MBNL2: variants seen among roughly 807,000 people sequenced by gnomAD.
MBNL2 encodes muscleblind like splicing regulator 2.
In MBNL2, 17 loss-of-function variants were observed where a neutral mutation model predicts 41.9. That is an observed-to-expected ratio of 0.41 (90% CI 0.28 to 0.61). The LOEUF (loss-of-function observed/expected upper bound fraction) is 0.61. MBNL2 is among the 20% of genes least tolerant of loss of function. The probability of loss-of-function intolerance (pLI) is 0.35; values close to 1 mark genes in which losing one functional copy is unlikely to be tolerated. For synonymous variants in MBNL2, 195 were observed against 182.9 expected, an observed-to-expected ratio of 1.07 and a Z score of -0.53; for missense variants, 336 against 505.6, an observed-to-expected ratio of 0.66 and a Z score of 3.22.
the MBNL2 span, among the ~76,000 whole-genome samples, chr13:97,149,941 C>G: frequency 2.6e-5 from 4 of 152,128 alleles, no homozygotes; most frequent in Non-Finnish European, 4.4e-5. Context: ...CCTAAAACAC[C>G]CCCCTATATC....
chr13:97,304,982 T>C (rs1265286090), intron 2 of MBNL2, among the ~76,000 whole-genome samples: 2 of 152,226 alleles, frequency 1.3e-5, no homozygotes, highest in Non-Finnish European at 2.9e-5. Context: ...TGAGGCTTCA[T>C]TGGAAATCTG....
chr13:97,265,929 G>A lies in MBNL2; in HGVS notation c.-604-9703G>A, dbSNP rs961853247. 4.6e-5 allele frequency among the ~76,000 whole-genome samples: 7 copies of A among 152,014 alleles called. No homozygotes were observed. In the South Asian group the frequency reaches 8.3e-4, roughly 18 times the overall value. On this transcript the variant is annotated intron_variant, in intron 1 of 8. Transcript: ENST00000679496. ...CCTTCAACCAAGCAGAACATTCAAGGCACCATTTTATTTATATTTTCAATA... is the reference window on the plus strand; with the variant it reads ...CCTTCAACCAAGCAGAACATTCAAGACACCATTTTATTTATATTTTCAATA...
intron 8 of MBNL2, among the ~76,000 whole-genome samples, chr13:97,391,103 A>G (rs1400663463): frequency 6.6e-6 from 1 of 152,186 alleles, no homozygotes; most frequent in Non-Finnish European, 1.5e-5. Flanking sequence ...GTGCATTTGA[A>G]TCATCTTTCT....
rs762104885 is a variant in MBNL2, at chr13:97,263,640, C to T, written c.-604-11992C>T. On this transcript the variant is annotated intron_variant, in intron 1 of 8. Transcript: ENST00000679496. The stretch of plus-strand genomic sequence containing the variant: ...GTACCTCTGTTGTTATTTATTGAGA[C>T]GGAGTCTTACTCTGTCACCCAGGCT... 2.6e-5 allele frequency among the ~76,000 whole-genome samples: 4 copies of T among 152,240 alleles called. No individual in the cohort carries two copies. In the East Asian group the frequency reaches 5.8e-4, roughly 22 times the overall value.
intron 7 of MBNL2, among the ~76,000 whole-genome samples, chr13:97,360,017 A>G (rs917026084): frequency 6.6e-6 from 1 of 152,214 alleles, no homozygotes; most frequent in Admixed American, 6.5e-5. Flanking sequence ...TTCTAAAATG[A>G]TAATGGTAAT....
chr13:97,299,922 G>GGT (rs2057450771), intron 2 of MBNL2, among the ~76,000 whole-genome samples: 1 of 152,140 alleles, frequency 6.6e-6, no homozygotes, highest in Non-Finnish European at 1.5e-5. Context: ...GCCTAAACCA[G>GGT]TGAGCAAAAA....
At chr13:97,204,990 G>A in the MBNL2 span, among the ~76,000 whole-genome samples, 1 of 151,822 alleles carries the variant, frequency 6.6e-6, no homozygotes, top group African/African-American at 2.4e-5. Context: ...TGCCCAACAT[G>A]GTGAAATGCC....
chr13:97,316,592 C>T (rs903418191), intron 2 of MBNL2, among the ~76,000 whole-genome samples: 1 of 152,206 alleles, frequency 6.6e-6, no homozygotes, highest in African/African-American at 2.4e-5. Flanking sequence ...ACCAGGCATG[C>T]GTCCTCCCGA....
the MBNL2 span, among the ~76,000 whole-genome samples, chr13:97,190,889 C>T: frequency 6.6e-6 from 1 of 152,170 alleles, no homozygotes. Flanking sequence ...ATTTCATCTC[C>T]TCTTGAAACC....
rs150813310 is a variant in MBNL2 at position 97,316,947 on chromosome 13, G to A, written c.175-17329G>A. Among the ~76,000 whole-genome samples the A allele has an allele frequency of 3.8e-3, 574 of 152,298 alleles. 2 individuals are homozygous for A. The highest frequency in any genetic ancestry group is 0.013 in the African/African-American group (552 of 41,564). ...TCCCTGGAACACTGCCTGGCCCAAG[G>A]TAGACTTGCAACATATGCCTGTGGA... On this transcript the variant is annotated intron_variant, in intron 2 of 8. Transcript: ENST00000679496.
At chr13:97,225,878 G>A (rs1037005652) in intron 1 of MBNL2, among the ~76,000 whole-genome samples, 1 of 152,246 alleles carries the variant, frequency 6.6e-6, no homozygotes, top group East Asian at 1.9e-4. Flanking sequence ...GGATGAGCAT[G>A]GATGTCCACT....
chr13:97,288,748 T>C (rs1350853720), intron 2 of MBNL2, among the ~76,000 whole-genome samples: 1 of 152,160 alleles, frequency 6.6e-6, no homozygotes, highest in Admixed American at 6.5e-5. Context: ...TATATTAGTC[T>C]TTCTCAGCAC....
At chr13:97,349,523 GTTTA>G (rs1009103558) in intron 5 of MBNL2, among the ~76,000 whole-genome samples, 4 of 152,014 alleles carry the variant, frequency 2.6e-5, no homozygotes, top group Admixed American at 6.6e-5. Flanking sequence ...CACAAAATTT[GTTTA>G]TTTATTTGTT....
At chr13:97,147,275 G>C in the MBNL2 span, among the ~76,000 whole-genome samples, 1 of 152,162 alleles carries the variant, frequency 6.6e-6, no homozygotes. Flanking sequence ...TTTTTTCTCT[G>C]TCGATTGGTG....
intron 1 of MBNL2, among the ~76,000 whole-genome samples, chr13:97,222,825 T>C (rs944729114): frequency 3.3e-5 from 5 of 152,236 alleles, no homozygotes; most frequent in African/African-American, 1.2e-4. Flanking sequence ...AGCAATCTTA[T>C]TTTCTTGCTG....
chr13:97,183,935 T>C, the MBNL2 span, among the ~76,000 whole-genome samples: 1 of 152,298 alleles, frequency 6.6e-6, no homozygotes, highest in Non-Finnish European at 1.5e-5. Context: ...CCCCAGTCTC[T>C]TTTTTTCACA....
At chr13:97,376,302 C>T (rs1406174921) in intron 8 of MBNL2, among the ~76,000 whole-genome samples, 3 of 152,180 alleles carry the variant, frequency 2.0e-5, no homozygotes, top group East Asian at 1.9e-4. Flanking sequence ...TGCCTTTCTC[C>T]TCTCTGTCAC....
At chr13:97,207,944 C>G in the MBNL2 span, among the ~76,000 whole-genome samples, 2 of 152,170 alleles carry the variant, frequency 1.3e-5, no homozygotes, top group Non-Finnish European at 2.9e-5. Context: ...GCAGGGTAGT[C>G]AAATCTTAAA....
the MBNL2 span, among the ~76,000 whole-genome samples, chr13:97,143,485 T>G: frequency 6.6e-6 from 1 of 152,196 alleles, no homozygotes; most frequent in South Asian, 2.1e-4. Flanking sequence ...TTCAGCAAGG[T>G]GGAGAACAGG....
Sources: allele counts gnomAD v4.1 joint callset (sites outside exome capture counted in the v4.1 genomes callset), GRCh38; gene constraint gnomAD v4.1.1; transcripts MANE v1.5; gene names NCBI Gene and HGNC (gene_info 2026-07-23, HGNC 2026-07-21).